CCSER1: variants seen among roughly 807,000 people sequenced by gnomAD.
CCSER1 encodes the protein coiled-coil serine rich protein 1, also known as serine-rich coiled-coil domain-containing protein 1.
In CCSER1, 41 loss-of-function variants were observed where a neutral mutation model predicts 82.0. The observed-to-expected ratio is 0.50, with a 90% CI of 0.39 to 0.65. CCSER1 has a LOEUF of 0.65. Ranked by LOEUF, CCSER1 falls within the 30% of genes least tolerant of loss-of-function variation. The probability of loss-of-function intolerance (pLI) is 0.00; values close to 1 mark genes in which losing one functional copy is unlikely to be tolerated. For missense variants in CCSER1, 1,119 were observed against 1,064.2 expected (o/e 1.05, Z -0.72); for synonymous variants, 414 against 383.9 (o/e 1.08, Z -0.92).
intron 9 of CCSER1, among the ~76,000 whole-genome samples, chr4:90,954,587 C>A (rs1733238787): frequency 6.6e-6 from 1 of 152,032 alleles, no homozygotes. Context: ...CACACATGAA[C>A]TAACACATTA....
chr4:91,581,448 A>G (rs1023364847), intron 10 of CCSER1, among the ~76,000 whole-genome samples: 1 of 151,732 alleles, frequency 6.6e-6, no homozygotes. Flanking sequence ...TCAATAAGAA[A>G]GAGTGCTTCT....
intron 5 of CCSER1, among the ~76,000 whole-genome samples, chr4:90,595,676 T>G (rs939537737): frequency 1.3e-5 from 2 of 151,948 alleles, no homozygotes; most frequent in African/African-American, 4.8e-5. Flanking sequence ...TATTATGTAG[T>G]GAGAGACTTA....
intron 9 of CCSER1, among the ~76,000 whole-genome samples, chr4:91,083,230 C>A (rs929948205): frequency 8.5e-5 from 13 of 152,062 alleles, no homozygotes; most frequent in Non-Finnish European, 1.9e-4. Context: ...ACTATGCAGC[C>A]ATAAAAAATG....
chr4:90,528,906 A>C (rs1774132165), intron 5 of CCSER1, among the ~76,000 whole-genome samples: 1 of 152,142 alleles, frequency 6.6e-6, no homozygotes, highest in Non-Finnish European at 1.5e-5. Flanking sequence ...TCACTGGTTA[A>C]TGGTTGAGCA....
intron 1 of CCSER1, among the ~76,000 whole-genome samples, chr4:90,288,620 A>G (rs1730347067): frequency 1.3e-5 from 2 of 152,064 alleles, no homozygotes; most frequent in South Asian, 2.1e-4. Context: ...ATTTTGTGCT[A>G]GAAGAGTGGT....
chr4:90,227,079 C>T (rs1743307314), intron 1 of CCSER1, among the ~76,000 whole-genome samples: 1 of 152,224 alleles, frequency 6.6e-6, no homozygotes, highest in African/African-American at 2.4e-5. Flanking sequence ...TGAAGGCTTT[C>T]TCTGCATAAC....
At chr4:90,712,016 G>A (rs1001305073) in intron 6 of CCSER1, among the ~76,000 whole-genome samples, 6 of 151,808 alleles carry the variant, frequency 4.0e-5, no homozygotes, top group Non-Finnish European at 7.4e-5. Flanking sequence ...GTTTCTGACT[G>A]TGGATATTTG....
At chr4:90,538,439 T>C (rs552053280) in intron 5 of CCSER1, among the ~76,000 whole-genome samples, 1 of 152,220 alleles carries the variant, frequency 6.6e-6, no homozygotes, top group South Asian at 2.1e-4. Context: ...GGGAGATAAA[T>C]AGTTATATTG....
intron 1 of CCSER1, among the ~76,000 whole-genome samples, chr4:90,256,171 A>G (rs1723250812): frequency 6.6e-6 from 1 of 152,130 alleles, no homozygotes; most frequent in African/African-American, 2.4e-5. Context: ...TCTCTTGGTT[A>G]TTTGAGTAAT....
chr4:91,038,472 A>T (rs2150571937), intron 9 of CCSER1, among the ~76,000 whole-genome samples: 1 of 152,258 alleles, frequency 6.6e-6, no homozygotes, highest in Non-Finnish European at 1.5e-5. Context: ...TGAAAACAGT[A>T]AAATTCTTAA....
At chr4:91,001,260 A>G (rs1738009746) in intron 9 of CCSER1, among the ~76,000 whole-genome samples, 1 of 152,178 alleles carries the variant, frequency 6.6e-6, no homozygotes, top group Non-Finnish European at 1.5e-5. Context: ...AATGAAGCCT[A>G]CTTGATCATG....
intron 4 of CCSER1, among the ~76,000 whole-genome samples, chr4:90,453,303 A>G (rs1005186868): frequency 2.0e-5 from 3 of 152,194 alleles, no homozygotes; most frequent in African/African-American, 7.2e-5. Flanking sequence ...CCACCAGATG[A>G]ATAGGGACCA....
intron 10 of CCSER1, among the ~76,000 whole-genome samples, chr4:91,265,949 G>T (rs1229369566): frequency 2.0e-5 from 3 of 152,112 alleles, no homozygotes; most frequent in East Asian, 1.9e-4. Flanking sequence ...AAGGCAAAAG[G>T]CACTTCTTAC....
chr4:91,151,697 G>C lies in CCSER1; in HGVS notation c.2217+65703G>C, dbSNP rs1291878238. Among the ~76,000 whole-genome samples, 30 of 152,172 alleles carry C rather than the reference G, an allele frequency of 2.0e-4. 1 individual carries two copies. The highest frequency in any genetic ancestry group is 2.0e-3 in the Admixed American group (30 of 15,266). ...TGTCTTTGTTCTCATTGGTTTCAAA[G>C]AACGTCTTTGTTTCTGCCTTAATTT... On this transcript the variant is annotated intron_variant, in intron 10 of 10. Coordinates refer to ENST00000509176, the MANE Select transcript of CCSER1 (RefSeq NM_001145065.2).
intron 5 of CCSER1, among the ~76,000 whole-genome samples, chr4:90,608,803 A>T (rs1285315447): frequency 6.6e-6 from 1 of 151,694 alleles, no homozygotes; most frequent in East Asian, 1.9e-4. Flanking sequence ...TTGATTCCTG[A>T]TTGTCCTGCT....
In CCSER1 at chr4:90,312,773, C is replaced by G. The variant is rs137919859; in HGVS notation, c.1325-90C>G. On this transcript the variant is annotated intron_variant, in intron 2 of 10. Coordinates refer to ENST00000509176, the MANE Select transcript of CCSER1 (RefSeq NM_001145065.2). ...TGTGATAGAGAAACTTTGAATAACA[C>G]TAAGAGTTTTTCATGATCTTTCAGT... 79 of 998,956 alleles carry G rather than the reference C, an allele frequency of 7.9e-5. No individual in the cohort carries two copies. The East Asian group carries it at 2.0e-3, about 25-fold the overall frequency. 61.9% of individuals were successfully genotyped at this position (998,956 alleles called of 1,614,324 possible).
intron 3 of CCSER1, among the ~76,000 whole-genome samples, chr4:90,363,792 A>G (rs1206912090): frequency 6.6e-6 from 1 of 152,064 alleles, no homozygotes; most frequent in African/African-American, 2.4e-5. Context: ...CCCACTCATT[A>G]TTAGAGCAGA....
chr4:91,198,436 A>G (rs1461342750), intron 10 of CCSER1, among the ~76,000 whole-genome samples: 2 of 152,220 alleles, frequency 1.3e-5, no homozygotes, highest in African/African-American at 4.8e-5. Context: ...AAACATAAAG[A>G]TTAAAAAATG....
At chr4:91,309,183 C>T (rs1745275159) in intron 10 of CCSER1, among the ~76,000 whole-genome samples, 1 of 152,000 alleles carries the variant, frequency 6.6e-6, no homozygotes, top group African/African-American at 2.4e-5. Flanking sequence ...TTACTCTATT[C>T]TAATTTTACA....
Sources: gnomAD v4.1 joint callset for allele counts (sites outside exome capture counted in the v4.1 genomes callset) on GRCh38, gnomAD v4.1.1 for gene constraint, MANE v1.5 for transcripts, NCBI Gene and HGNC (gene_info 2026-07-23, HGNC 2026-07-21) for gene names.